Variants in DNAH6 observed in about 807,000 individuals in gnomAD.
The protein encoded by DNAH6 is axonemal beta dynein heavy chain 6.
A neutral mutation model predicts 491.4 loss-of-function variants in DNAH6; 340 were observed. The ratio of observed to expected loss-of-function variants is 0.69; its 90% CI spans 0.63 to 0.76. The LOEUF is 0.76. Ranked by LOEUF, DNAH6 falls within the 30% of genes least tolerant of loss-of-function variation. DNAH6 has a pLI of 0.00. For missense variants in DNAH6, 4,443 were observed against 4,972.2 expected (o/e 0.89, Z 3.20); for synonymous variants, 1,603 against 1,686.1 (o/e 0.95, Z 1.21).
At chr2:84,679,964 A>G (rs1693625778) in intron 41 of DNAH6, among the ~76,000 whole-genome samples, 1 of 152,226 alleles carries the variant, frequency 6.6e-6, no homozygotes, top group Admixed American at 6.5e-5. Context: ...TATAACATAT[A>G]TATAAATAAA....
At chr2:84,698,370 A>C (rs1482283725) in intron 47 of DNAH6, among the ~76,000 whole-genome samples, 1 of 152,244 alleles carries the variant, frequency 6.6e-6, no homozygotes, top group Non-Finnish European at 1.5e-5. Context: ...GAAGGGATTT[A>C]TTAAAGGGAC....
At position 84,587,117 on chromosome 2, in the gene DNAH6, C is replaced by G. The variant is rs148332736; in HGVS notation, c.2482-1709C>G. Among the ~76,000 whole-genome samples the G allele has an allele frequency of 6.2e-4, 95 of 152,284 alleles. No homozygotes were observed. The Middle Eastern group carries it at 0.024, about 38-fold the overall frequency. On this transcript the variant is annotated intron_variant, in intron 15 of 76. Transcript: ENST00000389394. ...CCTCTCCCTCCTCCCATCCTCCACCCTCAGGTAGGCCCCAGTGTCTGTTGT... is the reference window on the plus strand; with the variant it reads ...CCTCTCCCTCCTCCCATCCTCCACCGTCAGGTAGGCCCCAGTGTCTGTTGT...
At chr2:84,483,022 A>T in the DNAH6 span, among the ~76,000 whole-genome samples, 17 of 150,668 alleles carry the variant, frequency 1.1e-4, no homozygotes, top group African/African-American at 4.2e-4. Flanking sequence ...AAGCAGTGGT[A>T]TGATCATAGC....
intron 37 of DNAH6, among the ~76,000 whole-genome samples, chr2:84,667,401 A>G (rs1692242191): frequency 1.3e-5 from 2 of 152,236 alleles, no homozygotes; most frequent in African/African-American, 2.4e-5. Flanking sequence ...CAAATTTACA[A>G]GAAAAAAAAT....
At chr2:84,766,362 A>C (rs189725678) in intron 64 of DNAH6, among the ~76,000 whole-genome samples, 111 of 152,360 alleles carry the variant, frequency 7.3e-4, no homozygotes, top group African/African-American at 2.4e-3. Flanking sequence ...AATCTTGGGA[A>C]TCTATCTTAA....
Position 84,583,890 on chromosome 2 carries a change from A to C in DNAH6, c.2230-109A>C. 4 of 1,132,676 alleles carry C rather than the reference A, an allele frequency of 3.5e-6. No homozygotes were observed. In the Middle Eastern group the frequency reaches 6.2e-4, roughly 177 times the overall value. 70.2% of individuals were successfully genotyped at this position (1,132,676 alleles called of 1,614,324 possible). A position where few individuals can be genotyped will look rare whatever the true frequency, so the allele number is the denominator to read the frequency against. ...ATGTCTTTATTAGCAGCAGCAGAAC[A>C]GACTAATACAATGTTCATATTGTAC... is the stretch of plus-strand genomic sequence containing the variant. On this transcript the variant is annotated intron_variant, in intron 14 of 76. Coordinates refer to ENST00000389394, the MANE Select transcript of DNAH6 (RefSeq NM_001370.2).
At chr2:84,682,649 A>T (rs1444298615) in intron 42 of DNAH6, among the ~76,000 whole-genome samples, 4 of 152,150 alleles carry the variant, frequency 2.6e-5, no homozygotes, top group Non-Finnish European at 5.9e-5. Context: ...CCGGCCCCAG[A>T]GGAGACTACC....
intron 4 of DNAH6, among the ~76,000 whole-genome samples, chr2:84,540,348 G>A (rs899259957): frequency 1.8e-4 from 27 of 152,162 alleles, no homozygotes; most frequent in Admixed American, 9.2e-4. Flanking sequence ...AATGACAGGA[G>A]CAATAAGAGG....
the DNAH6 span, among the ~76,000 whole-genome samples, chr2:84,472,385 A>G: frequency 6.6e-6 from 1 of 152,058 alleles, no homozygotes; most frequent in Non-Finnish European, 1.5e-5. Flanking sequence ...TGGGATTCCC[A>G]AAACACAAAA....
the DNAH6 span, among the ~76,000 whole-genome samples, chr2:84,471,710 C>T: frequency 1.3e-5 from 2 of 152,160 alleles, no homozygotes; most frequent in Non-Finnish European, 2.9e-5. Flanking sequence ...CCACGTGGTT[C>T]GTTCATCTCC....
In DNAH6 at chr2:84,808,425, AAT is replaced by A. The variant is rs1679646660; in HGVS notation, c.11623_11624del (p.Met3875GlyfsTer5). The A allele has an allele frequency of 6.5e-7, 1 of 1,535,384 alleles. No homozygotes were observed. Among genetic ancestry groups the A allele is most frequent in the Admixed American group, 2.1e-5 (1 of 47,004 alleles). ...VQTRVPEKLEMEGASESLFVK... is the reference protein window; with the variant it reads ...VQTRVPEKLEXEGASESLFVK... ...CTGTGTATGTTTCAGAAAAACTGGA[AAT>A]GGAGGGTGCTTCTGAGAGCCTTTTT... is the stretch of plus-strand genomic sequence containing the variant. On this transcript the variant is annotated frameshift_variant, in exon 72 of 77. Transcript: ENST00000389394. LOFTEE classifies it high-confidence loss of function.
intron 32 of DNAH6, 117 bp downstream of exon 32, chr2:84,640,695 G>C: frequency 3.0e-6 from 3 of 1,001,104 alleles, no homozygotes; most frequent in Non-Finnish European, 4.3e-6. Flanking sequence ...GGCTGCTGCT[G>C]TTGTCATCAT....
chr2:84,646,806 A>C (rs114829011), intron 33 of DNAH6, among the ~76,000 whole-genome samples: 10 of 152,216 alleles, frequency 6.6e-5, no homozygotes, highest in Non-Finnish European at 1.3e-4. Context: ...TAAAACCTGC[A>C]TGGATGAGGA....
intron 55 of DNAH6, among the ~76,000 whole-genome samples, chr2:84,710,049 T>G (rs1406527258): frequency 6.6e-6 from 1 of 152,236 alleles, no homozygotes; most frequent in African/African-American, 2.4e-5. Context: ...ACCATAAGCA[T>G]GAACTCTGTT....
At chr2:84,501,914 C>T in the DNAH6 span, among the ~76,000 whole-genome samples, 1 of 151,854 alleles carries the variant, frequency 6.6e-6, no homozygotes, top group African/African-American at 2.4e-5. Context: ...GGGATCTTCT[C>T]TCTTTTTTCT....
At chr2:84,750,093 G>A (rs1040615308) in intron 63 of DNAH6, among the ~76,000 whole-genome samples, 1 of 151,424 alleles carries the variant, frequency 6.6e-6, no homozygotes, top group African/African-American at 2.4e-5. Context: ...TCAGGGAAAT[G>A]TGAACACTAC....
chr2:84,544,660 TC>T (rs1332705495), intron 5 of DNAH6, among the ~76,000 whole-genome samples, 160 bp downstream of exon 5: 1 of 152,198 alleles, frequency 6.6e-6, no homozygotes, highest in Non-Finnish European at 1.5e-5. Flanking sequence ...AGTCTAGCAA[TC>T]TAGGGGTGTT....
At chr2:84,721,680 A>G (rs1045111168) in intron 59 of DNAH6, among the ~76,000 whole-genome samples, 2 of 152,184 alleles carry the variant, frequency 1.3e-5, no homozygotes, top group Non-Finnish European at 2.9e-5. Context: ...ATTTCTTTTT[A>G]TCTTTAATAA....
In DNAH6 at chr2:84,637,198, A is replaced by G; in HGVS notation, c.4654-12A>G. 6.6e-7 allele frequency: 1 copy of G among 1,524,368 alleles called. No individual in the cohort carries two copies. Among genetic ancestry groups the G allele is most frequent in the South Asian group, 1.3e-5 (1 of 79,752 alleles). 94.4% of individuals were successfully genotyped at this position (1,524,368 alleles called of 1,614,324 possible). Reference sequence around the variant, plus strand: ...CTGGAAGAGTGTTAACTTATATTTTATCTTCGAACAGCTCTCTAGATTCAT... The same window carrying G: ...CTGGAAGAGTGTTAACTTATATTTTGTCTTCGAACAGCTCTCTAGATTCAT... On this transcript the variant is annotated splice_polypyrimidine_tract_variant and intron_variant, in intron 30 of 76. Transcript: ENST00000389394.
Sources: allele counts gnomAD v4.1 joint callset (sites outside exome capture counted in the v4.1 genomes callset), GRCh38; gene constraint gnomAD v4.1.1; transcripts MANE v1.5; gene names NCBI Gene and HGNC (gene_info 2026-07-23, HGNC 2026-07-21).